Variants in BCAS1 observed in about 807,000 individuals in gnomAD.
The protein encoded by BCAS1 is breast carcinoma-amplified sequence 1.
BCAS1 carries 46 observed loss-of-function variants against 65.4 expected under a neutral mutation model. The ratio of observed to expected loss-of-function variants is 0.70; its 90% CI spans 0.55 to 0.90. BCAS1 has a LOEUF of 0.90. BCAS1 is among the 40% of genes least tolerant of loss of function. The pLI, the probability that BCAS1 is intolerant of heterozygous loss-of-function variation, is 0.00. For missense variants in BCAS1, 793 were observed against 771.2 expected (o/e 1.03, Z -0.33); for synonymous variants, 298 against 293.5 (o/e 1.02, Z -0.16).
intron 4 of BCAS1, among the ~76,000 whole-genome samples, chr20:53,997,971 C>A (rs1293591304): frequency 6.6e-6 from 1 of 152,164 alleles, no homozygotes; most frequent in Non-Finnish European, 1.5e-5. Flanking sequence ...CATCTCCCTG[C>A]CCCCATGCTG....
intron 9 of BCAS1, among the ~76,000 whole-genome samples, chr20:53,974,340 A>T (rs887015938): frequency 4.6e-5 from 7 of 152,158 alleles, no homozygotes; most frequent in Non-Finnish European, 8.8e-5. Context: ...TGTAACACTC[A>T]CTGCGAAGGT....
intron 4 of BCAS1, among the ~76,000 whole-genome samples, chr20:53,998,816 G>A (rs369277430): frequency 1.3e-5 from 2 of 152,032 alleles, no homozygotes; most frequent in Non-Finnish European, 2.9e-5. Context: ...ATGCCAATAC[G>A]TCAAATATTT....
intron 8 of BCAS1, among the ~76,000 whole-genome samples, chr20:53,977,978 C>T (rs547057509): frequency 2.7e-4 from 41 of 151,554 alleles, no homozygotes; most frequent in South Asian, 1.7e-3. Context: ...CATGCTGGTG[C>T]GCTGCACCCA....
intron 8 of BCAS1, among the ~76,000 whole-genome samples, chr20:53,984,681 G>A (rs2090566810): frequency 6.6e-6 from 1 of 152,178 alleles, no homozygotes; most frequent in African/African-American, 2.4e-5. Context: ...TGATAATTAA[G>A]GAATAGATCT....
intron 8 of BCAS1, among the ~76,000 whole-genome samples, chr20:53,980,444 A>C (rs1412870600): frequency 6.6e-6 from 1 of 152,212 alleles, no homozygotes; most frequent in African/African-American, 2.4e-5. Context: ...AGCTGAAAAA[A>C]ATAGTAATGC....
At chr20:54,027,557 A>C (rs1442620481) in intron 4 of BCAS1, among the ~76,000 whole-genome samples, 1 of 152,198 alleles carries the variant, frequency 6.6e-6, no homozygotes, top group African/African-American at 2.4e-5. Flanking sequence ...TTTGAAAAAT[A>C]TTGTTATTTA....
intron 3 of BCAS1, among the ~76,000 whole-genome samples, chr20:54,030,364 G>A (rs1161019448): frequency 6.6e-6 from 1 of 152,220 alleles, no homozygotes; most frequent in Non-Finnish European, 1.5e-5. Flanking sequence ...AAGAAGAAAA[G>A]TCATGCAAAG....
At chr20:54,024,485 C>G (rs1020418658) in intron 4 of BCAS1, among the ~76,000 whole-genome samples, 3 of 152,170 alleles carry the variant, frequency 2.0e-5, no homozygotes, top group East Asian at 1.9e-4. Flanking sequence ...GAAGAGGAGG[C>G]AGCTGAGACT....
At chr20:53,985,163 A>G (rs1275217651) in intron 8 of BCAS1, 124 bp downstream of exon 8, 10 of 913,264 alleles carry the variant, frequency 1.1e-5, no homozygotes, top group Admixed American at 2.3e-5. Context: ...TGGGAAGCCG[A>G]GTCATTTTGA....
chr20:54,041,908 C>CAAAAAAAAAAAAAAAAAAAAAAAAAAAAA lies in BCAS1; in HGVS notation c.143-12937_143-12936insTTTTTTTTTTTTTTTTTTTTTTTTTTTTT, dbSNP rs1391284796. Among the ~76,000 whole-genome samples, 120 of 67,336 alleles carry CAAAAAAAAAAAAAAAAAAAAAAAAAAAAA rather than the reference C, an allele frequency of 1.8e-3. 26 individuals are homozygous for CAAAAAAAAAAAAAAAAAAAAAAAAAAAAA. Among genetic ancestry groups the CAAAAAAAAAAAAAAAAAAAAAAAAAAAAA allele is most frequent in the South Asian group, 3.0e-3 (4 of 1,332 alleles). 44.2% of individuals were successfully genotyped at this position (67,336 alleles called of 152,430 possible). A position where few individuals can be genotyped will look rare whatever the true frequency, so the allele number is the denominator to read the frequency against. ...AGTTCAGAGTGAGACTCTGTCTCCC[C>CAAAAAAAAAAAAAAAAAAAAAAAAAAAAA]CAAAAAAAAAAAAAAAAAAAAAAGA... On this transcript the variant is annotated intron_variant, in intron 3 of 12. Transcript: ENST00000688948.
At chr20:54,041,579 C>T (rs558026832) in intron 3 of BCAS1, among the ~76,000 whole-genome samples, 9 of 151,988 alleles carry the variant, frequency 5.9e-5, no homozygotes, top group African/African-American at 1.9e-4. Context: ...CAGTGGAAAG[C>T]GTATAAAAAA....
At chr20:54,050,648 T>C (rs16998848) in intron 3 of BCAS1, among the ~76,000 whole-genome samples, 1,632 of 152,352 alleles carry the variant, frequency 0.011, 11 homozygotes, top group South Asian at 0.028. Flanking sequence ...TAGTCCTGGA[T>C]GTCACCTGCG....
At chr20:54,062,695 G>A (rs925090161) in intron 1 of BCAS1, among the ~76,000 whole-genome samples, 3 of 152,210 alleles carry the variant, frequency 2.0e-5, no homozygotes, top group African/African-American at 4.8e-5. Context: ...TTCCCACAGA[G>A]TTGGGGTTAC....
At chr20:54,005,837 T>G (rs753586537) in intron 4 of BCAS1, among the ~76,000 whole-genome samples, 1 of 151,666 alleles carries the variant, frequency 6.6e-6, no homozygotes, top group Non-Finnish European at 1.5e-5. Context: ...CAAGTGGACA[T>G]GGAGGAAGGC....
intron 11 of BCAS1, among the ~76,000 whole-genome samples, chr20:53,954,361 G>A (rs1247521147): frequency 2.7e-5 from 4 of 149,526 alleles, no homozygotes; most frequent in Non-Finnish European, 4.4e-5. Context: ...GGTATCATGC[G>A]TGCCTCCTAG....
chr20:54,046,937 G>A (rs1231234207), intron 3 of BCAS1, among the ~76,000 whole-genome samples: 1 of 152,142 alleles, frequency 6.6e-6, no homozygotes, highest in Non-Finnish European at 1.5e-5. Context: ...TGCCTTGAAA[G>A]GATGAAGATG....
At chr20:53,960,681 C>T (rs1038561984) in intron 10 of BCAS1, among the ~76,000 whole-genome samples, 2 of 151,710 alleles carry the variant, frequency 1.3e-5, no homozygotes, top group Non-Finnish European at 2.9e-5. Flanking sequence ...TCCTTCCTTC[C>T]TTCCTTCTTT....
intron 4 of BCAS1, among the ~76,000 whole-genome samples, chr20:54,027,069 A>C (rs569032835): frequency 6.6e-6 from 1 of 152,326 alleles, no homozygotes; most frequent in South Asian, 2.1e-4. Flanking sequence ...AATTATACGG[A>C]AAGTTATTCA....
At chr20:53,992,433 G>A in intron 7 of BCAS1, 79 bp downstream of exon 7, 1 of 1,216,228 alleles carries the variant, frequency 8.2e-7, no homozygotes, top group South Asian at 1.3e-5. Flanking sequence ...CTGGAGAGGA[G>A]CTGGGTGGGC....
Sources: gnomAD v4.1 joint callset for allele counts (sites outside exome capture counted in the v4.1 genomes callset) on GRCh38, gnomAD v4.1.1 for gene constraint, MANE v1.5 for transcripts, NCBI Gene and HGNC (gene_info 2026-07-23, HGNC 2026-07-21) for gene names.